Variants in LRP1B observed in about 807,000 individuals in gnomAD.
The protein encoded by LRP1B is low-density lipoprotein receptor-related protein 1B.
A neutral mutation model predicts 556.6 loss-of-function variants in LRP1B; 217 were observed. The ratio of observed to expected loss-of-function variants is 0.39; its 90% confidence interval spans 0.35 to 0.44. The LOEUF (loss-of-function observed/expected upper bound fraction) is 0.44, where lower values mean the gene tolerates loss of function less well. Ranked by LOEUF, LRP1B falls within the 20% of genes least tolerant of loss-of-function variation. The pLI, the probability that LRP1B is intolerant of heterozygous loss-of-function variation, is 1.00. For missense variants in LRP1B, 5,053 were observed against 5,620.8 expected (o/e 0.90, Z 3.23); for synonymous variants, 2,047 against 1,865.8 (o/e 1.10, Z -2.50).
intron 11 of LRP1B, among the ~76,000 whole-genome samples, chr2:141,022,110 T>C (rs1698081418): frequency 6.6e-6 from 1 of 151,716 alleles, no homozygotes; most frequent in African/African-American, 2.4e-5. Flanking sequence ...AATAAATATA[T>C]GTGATGTTCT....
chr2:140,706,944 T>C (rs1331213006), intron 37 of LRP1B, among the ~76,000 whole-genome samples: 2 of 152,130 alleles, frequency 1.3e-5, no homozygotes, highest in African/African-American at 4.8e-5. Flanking sequence ...AAGCTCTGAT[T>C]TTTGTGTGAG....
chr2:141,518,054 G>A (rs1015284692), intron 2 of LRP1B, among the ~76,000 whole-genome samples: 1 of 152,026 alleles, frequency 6.6e-6, no homozygotes, highest in East Asian at 1.9e-4. Flanking sequence ...ACAAAACTGT[G>A]GGAAAGGTAG....
At chr2:141,272,288 A>T (rs936281831) in intron 3 of LRP1B, among the ~76,000 whole-genome samples, 2 of 152,236 alleles carry the variant, frequency 1.3e-5, no homozygotes, top group Non-Finnish European at 2.9e-5. Context: ...ATCTTGTATT[A>T]CTTAGGACAA....
intron 2 of LRP1B, among the ~76,000 whole-genome samples, chr2:141,781,234 G>A (rs992914239): frequency 6.6e-6 from 1 of 152,192 alleles, no homozygotes; most frequent in Non-Finnish European, 1.5e-5. Flanking sequence ...TTGAGACAAG[G>A]TATGGTAACT....
At chr2:140,653,320 G>A (rs1684755444) in intron 41 of LRP1B, among the ~76,000 whole-genome samples, 1 of 152,016 alleles carries the variant, frequency 6.6e-6, no homozygotes, top group Non-Finnish European at 1.5e-5. Flanking sequence ...GAATATTTCA[G>A]GATAAGGACT....
intron 66 of LRP1B, among the ~76,000 whole-genome samples, chr2:140,431,635 ACT>A (rs1042949126): frequency 5.3e-5 from 8 of 151,970 alleles, no homozygotes; most frequent in Admixed American, 4.6e-4. Context: ...CTCCTTAGGC[ACT>A]CTCTAATTAG....
At chr2:140,896,034 A>C (rs1693943284) in intron 23 of LRP1B, among the ~76,000 whole-genome samples, 1 of 152,112 alleles carries the variant, frequency 6.6e-6, no homozygotes, top group Non-Finnish European at 1.5e-5. Context: ...CACGGGTCCA[A>C]GCTTGAGGGT....
At chr2:140,494,257 T>C (rs1688821617) in intron 56 of LRP1B, among the ~76,000 whole-genome samples, 1 of 152,134 alleles carries the variant, frequency 6.6e-6, no homozygotes, top group Admixed American at 6.6e-5. Context: ...CTCTACACAA[T>C]CCTTTATTAA....
intron 2 of LRP1B, among the ~76,000 whole-genome samples, chr2:141,688,638 A>T (rs1691399732): frequency 6.6e-6 from 1 of 151,878 alleles, no homozygotes; most frequent in East Asian, 1.9e-4. Context: ...GGAAAGTCAA[A>T]CAATTGGTAA....
intron 1 of LRP1B, among the ~76,000 whole-genome samples, chr2:142,081,480 A>T (rs1705713785): frequency 1.3e-5 from 2 of 152,184 alleles, no homozygotes; most frequent in Non-Finnish European, 2.9e-5. Flanking sequence ...TAAGCCATTC[A>T]CTGTGAGACA....
chr2:140,975,003 G>C (rs540680139), intron 18 of LRP1B, among the ~76,000 whole-genome samples: 1 of 152,276 alleles, frequency 6.6e-6, no homozygotes, highest in African/African-American at 2.4e-5. Context: ...GAGAGTGATC[G>C]CAGGCCCAAG....
At chr2:141,394,441 G>A (rs1690167547) in intron 3 of LRP1B, among the ~76,000 whole-genome samples, 1 of 152,034 alleles carries the variant, frequency 6.6e-6, no homozygotes. Context: ...AATTCTGGCA[G>A]TCTTTTTATC....
chr2:141,871,349 TATA>T (rs201230244), intron 1 of LRP1B, among the ~76,000 whole-genome samples: 1,996 of 152,148 alleles, frequency 0.013, 13 homozygotes, highest in Non-Finnish European at 0.02. Context: ...CAGATTGTAA[TATA>T]ATAAAGATTA....
intron 84 of LRP1B, among the ~76,000 whole-genome samples, chr2:140,288,807 A>G (rs1009976762): frequency 6.6e-6 from 1 of 151,876 alleles, no homozygotes; most frequent in African/African-American, 2.4e-5. Context: ...GCTGTGAGAC[A>G]TATCATTTTT....
intron 79 of LRP1B, among the ~76,000 whole-genome samples, chr2:140,333,180 T>C (rs922428045): frequency 1.3e-5 from 2 of 152,102 alleles, no homozygotes; most frequent in African/African-American, 4.8e-5. Context: ...TTTCCTCATA[T>C]TCACTTCACT....
intron 3 of LRP1B, among the ~76,000 whole-genome samples, chr2:141,448,838 A>G (rs1167726178): frequency 6.6e-6 from 1 of 152,104 alleles, no homozygotes; most frequent in Non-Finnish European, 1.5e-5. Flanking sequence ...AGCTCTTCCT[A>G]TTTGGCCATC....
chr2:140,620,342 TGTCA>T (rs1434142679), intron 41 of LRP1B, among the ~76,000 whole-genome samples: 13 of 152,322 alleles, frequency 8.5e-5, no homozygotes, highest in African/African-American at 2.9e-4. Flanking sequence ...TTGCTTAGTC[TGTCA>T]GTCAGTGTCA....
At chr2:140,648,514 T>A (rs1684564220) in intron 41 of LRP1B, among the ~76,000 whole-genome samples, 1 of 151,704 alleles carries the variant, frequency 6.6e-6, no homozygotes, top group Non-Finnish European at 1.5e-5. Flanking sequence ...CTGTGGAGAA[T>A]GTGAGGAGGG....
At chr2:140,812,838 A>G (rs1690975082) in intron 32 of LRP1B, among the ~76,000 whole-genome samples, 1 of 152,100 alleles carries the variant, frequency 6.6e-6, no homozygotes, top group Non-Finnish European at 1.5e-5. Context: ...AAATGCAATT[A>G]CTGAAATTCT....
Sources: allele counts gnomAD v4.1 joint callset (sites outside exome capture counted in the v4.1 genomes callset), GRCh38; gene constraint gnomAD v4.1.1; transcripts MANE v1.5; gene names NCBI Gene and HGNC (gene_info 2026-07-23, HGNC 2026-07-21).